RIMBP2: variants seen among roughly 807,000 people sequenced by gnomAD.
RIMBP2 encodes RIMS-binding protein 2.
Under a neutral mutation model 118.6 loss-of-function variants are expected in RIMBP2, and 48 were observed. That is an observed-to-expected ratio of 0.40 (90% CI 0.32 to 0.51). The LOEUF is 0.51. RIMBP2 is among the 20% of genes least tolerant of loss of function. The probability of loss-of-function intolerance (pLI) is 0.41; values close to 1 mark genes in which losing one functional copy is unlikely to be tolerated. For synonymous variants in RIMBP2, 762 were observed against 742.9 expected (o/e 1.03, Z -0.42); for missense variants, 1,551 against 1,768.3 (o/e 0.88, Z 2.20).
At chr12:130,451,862 C>A (rs1292825872) in intron 7 of RIMBP2, among the ~76,000 whole-genome samples, 1 of 152,200 alleles carries the variant, frequency 6.6e-6, no homozygotes, top group African/African-American at 2.4e-5. Flanking sequence ...TTTGCTCACA[C>A]CAGTTTAGGT....
rs183856394 is a variant in RIMBP2 at position 130,463,582 on chromosome 12, T to C, written c.154-6882A>G. 7.3e-3 allele frequency among the ~76,000 whole-genome samples: 1,108 copies of C among 152,246 alleles called. 12 individuals carry two copies. Among genetic ancestry groups the C allele is most frequent in the Middle Eastern group, 0.037 (11 of 294 alleles). On this transcript the variant is annotated intron_variant, in intron 6 of 22. Coordinates refer to ENST00000690449, the MANE Select transcript of RIMBP2 (RefSeq NM_001393629.1). ...GATAAGCAGGCGCTGTGCTGGCGGC[T>C]GGCATCCAAACGGGGTGGTTCTGAG...
intron 1 of RIMBP2, among the ~76,000 whole-genome samples, chr12:130,664,411 G>GCACACACACGCA (rs1555320867): frequency 1.1e-5 from 1 of 87,428 alleles, no homozygotes; most frequent in Non-Finnish European, 2.7e-5. Flanking sequence ...ACGCACGCAC[G>GCACACACACGCA]CACACACACG....
rs1476755163 is a variant in RIMBP2, at chr12:130,626,506, T to TGATTACCACTGGCATCACCAC, written c.-217+1815_-217+1816insGTGGTGATGCCAGTGGTAATC. 1.6e-3 allele frequency among the ~76,000 whole-genome samples: 200 copies of TGATTACCACTGGCATCACCAC among 127,158 alleles called. 9 individuals carry two copies. The East Asian group carries it at 0.046, about 29-fold the overall frequency. 83.4% of individuals were successfully genotyped at this position (127,158 alleles called of 152,430 possible). ...ATCACCATCAGCTCCTCCATCACCA[T>TGATTACCACTGGCATCACCAC]GACTACCACTGGCATCACCACCATC... On this transcript the variant is annotated intron_variant, in intron 2 of 22. Transcript: ENST00000690449.
chr12:130,676,492 A>G (rs543018379), intron 1 of RIMBP2, among the ~76,000 whole-genome samples: 23 of 151,762 alleles, frequency 1.5e-4, no homozygotes, highest in East Asian at 5.8e-4. Context: ...GTGTGGTGGT[A>G]TGTGCCTGTA....
At chr12:130,638,066 A>G (rs951748996) in intron 1 of RIMBP2, among the ~76,000 whole-genome samples, 3 of 152,164 alleles carry the variant, frequency 2.0e-5, no homozygotes, top group Non-Finnish European at 4.4e-5. Context: ...AGAATGAGAT[A>G]GTATTGGATG....
chr12:130,599,538 C>A (rs528236534), intron 2 of RIMBP2, among the ~76,000 whole-genome samples: 82 of 152,248 alleles, frequency 5.4e-4, no homozygotes, highest in South Asian at 1.2e-3. Flanking sequence ...TGGGGAAGTG[C>A]AAATAAAACT....
chr12:130,503,393 C>T (rs4759484), intron 4 of RIMBP2, among the ~76,000 whole-genome samples: 55,298 of 147,982 alleles, frequency 0.37, 10,636 homozygotes, highest in Middle Eastern at 0.54. Flanking sequence ...AAGACTCCAT[C>T]TAAAAAGAAA....
At chr12:130,494,036 G>A (rs1415445353) in intron 4 of RIMBP2, among the ~76,000 whole-genome samples, 1 of 152,198 alleles carries the variant, frequency 6.6e-6, no homozygotes, top group Non-Finnish European at 1.5e-5. Context: ...GGAAAGACAA[G>A]CGTTGATCGG....
intron 4 of RIMBP2, among the ~76,000 whole-genome samples, chr12:130,481,211 C>CGTGGTG (rs1593465361): frequency 5.5e-4 from 57 of 104,414 alleles, no homozygotes; most frequent in Middle Eastern, 5.3e-3. Flanking sequence ...AGGAGGCAGA[C>CGTGGTG]AGGCTGATTA....
At chr12:130,669,300 G>A (rs1307689817) in intron 1 of RIMBP2, 2 of 152,186 alleles carry the variant, frequency 1.3e-5, no homozygotes, top group Non-Finnish European at 2.9e-5. Flanking sequence ...GCTAAAAACT[G>A]GAATAGTAGC....
At chr12:130,428,136 C>T in intron 15 of RIMBP2, 43 bp downstream of exon 15, 1 of 1,542,588 alleles carries the variant, frequency 6.5e-7, no homozygotes, top group Non-Finnish European at 8.7e-7. Flanking sequence ...GATGGAGCTA[C>T]TCTGGGGACG....
Position 130,578,053 on chromosome 12 carries a change from C to T in RIMBP2, c.-217+50269G>A, listed in dbSNP as rs2058211668. 6.6e-6 allele frequency among the ~76,000 whole-genome samples: 1 copy of T among 152,164 alleles called. No homozygotes were observed. The highest frequency in any genetic ancestry group is 1.5e-5 in the Non-Finnish European group (1 of 68,044). On this transcript the variant is annotated intron_variant, in intron 2 of 22. Coordinates refer to ENST00000690449, the MANE Select transcript of RIMBP2 (RefSeq NM_001393629.1). This position sits in a 1 kb window ranked among gnomAD's most constrained non-coding sequence, Gnocchi z 4.1. ...ACAAAGCTGGGGAAAAAAATATCTT[C>T]TCTGAAAGGCAGATGTGAACTGGAT...
Position 130,683,162 on chromosome 12 carries a change from C to G in RIMBP2, c.-352+33060G>C, listed in dbSNP as rs1165812986. Among the ~76,000 whole-genome samples the G allele has an allele frequency of 6.6e-6, 1 of 152,116 alleles. No individual in the cohort carries two copies. The highest frequency in any genetic ancestry group is 2.4e-5 in the African/African-American group (1 of 41,422). On this transcript the variant is annotated intron_variant, in intron 1 of 22. Coordinates refer to ENST00000690449, the MANE Select transcript of RIMBP2 (RefSeq NM_001393629.1). This position sits in a 1 kb window ranked among gnomAD's most constrained non-coding sequence, Gnocchi z 4.4. ...ATCCAGGGGGGTTGGGGTGGACCCT[C>G]CATCTGATGAGAGTGTCCACATAAG...
chr12:130,456,781 A>G (rs1408323009), intron 6 of RIMBP2, 81 bp from the exon 7 acceptor site: 3 of 1,090,276 alleles, frequency 2.8e-6, no homozygotes, highest in East Asian at 2.6e-5. Flanking sequence ...CATGTGTTGT[A>G]CGTGTGCACA....
intron 15 of RIMBP2, chr12:130,427,090 A>C (rs1481044367): frequency 1.3e-5 from 2 of 152,252 alleles, no homozygotes; most frequent in African/African-American, 2.4e-5. Flanking sequence ...ACATCCCCCA[A>C]GGCCCTGCCA....
chr12:130,624,182 A>G (rs1246037675), intron 2 of RIMBP2, among the ~76,000 whole-genome samples: 1 of 152,252 alleles, frequency 6.6e-6, no homozygotes, highest in Non-Finnish European at 1.5e-5. Flanking sequence ...TGTTCTGGAA[A>G]TGGAAAATAC....
At chr12:130,529,443 G>A (rs187838284) in intron 2 of RIMBP2, among the ~76,000 whole-genome samples, 3 of 152,244 alleles carry the variant, frequency 2.0e-5, no homozygotes, top group Admixed American at 6.5e-5. Context: ...AAGCAGATTC[G>A]TGGCTGTCAG....
At chr12:130,489,708 T>C (rs1053346755) in intron 4 of RIMBP2, among the ~76,000 whole-genome samples, 2 of 152,192 alleles carry the variant, frequency 1.3e-5, no homozygotes, top group Non-Finnish European at 2.9e-5. Context: ...TTCCACCCTG[T>C]GTGTCACAAT....
At chr12:130,644,827 C>G (rs1468500130) in intron 1 of RIMBP2, among the ~76,000 whole-genome samples, 1 of 152,230 alleles carries the variant, frequency 6.6e-6, no homozygotes, top group African/African-American at 2.4e-5. Context: ...GGCAAAGCAC[C>G]CAACGGCTCT....
Sources: allele counts gnomAD v4.1 joint callset (sites outside exome capture counted in the v4.1 genomes callset), GRCh38; gene constraint gnomAD v4.1.1; non-coding constraint Gnocchi (gnomAD v3.1); transcripts MANE v1.5; gene names NCBI Gene and HGNC (gene_info 2026-07-23, HGNC 2026-07-21).